RASA3: variants seen among roughly 807,000 people sequenced by gnomAD.
RASA3 encodes the protein RAS p21 protein activator 3, also known as ras GTPase-activating protein 3.
RASA3 carries 73 observed loss-of-function variants against 110.0 expected under a neutral mutation model. The observed-to-expected ratio is 0.66, with a 90% CI of 0.55 to 0.81. RASA3 has a LOEUF of 0.81. RASA3 is among the 30% of genes least tolerant of loss of function. RASA3 has a pLI of 0.00. For synonymous variants in RASA3, 500 were observed against 451.4 expected, an observed-to-expected ratio of 1.11 and a Z score of -1.37; for missense variants, 976 against 1,113.2, an observed-to-expected ratio of 0.88 and a Z score of 1.75.
intron 3 of RASA3, among the ~76,000 whole-genome samples, chr13:114,043,395 C>T (rs754257471): frequency 1.3e-5 from 2 of 152,162 alleles, no homozygotes; most frequent in Non-Finnish European, 2.9e-5. Flanking sequence ...GCACCTCACA[C>T]CATCCACTCT....
At chr13:114,101,455 G>A (rs989146857) in intron 1 of RASA3, among the ~76,000 whole-genome samples, 11 of 152,338 alleles carry the variant, frequency 7.2e-5, no homozygotes, top group Admixed American at 3.3e-4. Context: ...GCCACTGCCC[G>A]TGCTGGGCCC....
chr13:114,044,620 C>A (rs1303873283), intron 3 of RASA3, among the ~76,000 whole-genome samples: 2 of 143,282 alleles, frequency 1.4e-5, no homozygotes, highest in African/African-American at 5.3e-5. Flanking sequence ...CTCTGACGAC[C>A]GCTGCGTGGC....
intron 4 of RASA3, among the ~76,000 whole-genome samples, chr13:114,034,590 A>T (rs1198921872): frequency 1.3e-5 from 2 of 152,228 alleles, no homozygotes; most frequent in Non-Finnish European, 2.9e-5. Flanking sequence ...TCTTCTGCTG[A>T]TTCAGGAGTG....
At chr13:113,981,002 G>A (rs183625781) in intron 23 of RASA3, among the ~76,000 whole-genome samples, 94 of 152,294 alleles carry the variant, frequency 6.2e-4, no homozygotes, top group Non-Finnish European at 1.0e-3. Flanking sequence ...GAATGAGCCC[G>A]TGTGGGGGCT....
chr13:114,030,446 AGGGCAAGGCTCACACAGAG>A lies in RASA3; in HGVS notation c.373-578_373-560del, dbSNP rs1566501626. Among the ~76,000 whole-genome samples the A allele has an allele frequency of 2.0e-3, 209 of 105,536 alleles. 4 individuals carry two copies. Among genetic ancestry groups the A allele is most frequent in the African/African-American group, 7.1e-3 (186 of 26,142 alleles). 69.2% of individuals were successfully genotyped at this position (105,536 alleles called of 152,430 possible). ...CACACAGAGGGCAAGGCTCACACAG[AGGGCAAGGCTCACACAGAG>A]GGCAAGGCTCACACAGAGGGCAAGA... On this transcript the variant is annotated intron_variant, in intron 4 of 23. Coordinates refer to ENST00000334062, the MANE Select transcript of RASA3 (RefSeq NM_007368.4).
intron 8 of RASA3, among the ~76,000 whole-genome samples, chr13:114,022,739 A>G (rs1238755799): frequency 1.3e-5 from 2 of 152,242 alleles, no homozygotes; most frequent in Non-Finnish European, 2.9e-5. Context: ...TTTGCCTTTA[A>G]TAAGGGAAAT....
chr13:114,001,470 CA>C (rs1296959268), intron 18 of RASA3, among the ~76,000 whole-genome samples: 58 of 125,984 alleles, frequency 4.6e-4, no homozygotes, highest in African/African-American at 7.4e-4. Context: ...GACACTCACG[CA>C]ACATGGAGGA....
Position 114,042,081 on chromosome 13 carries a change from T to C in RASA3, c.278-987A>G, listed in dbSNP as rs1431096453. On this transcript the variant is annotated intron_variant, in intron 3 of 23. Coordinates refer to ENST00000334062, the MANE Select transcript of RASA3 (RefSeq NM_007368.4). Reference sequence around the variant, plus strand: ...TTGTACAATATACGTTTACCTAGTATGGATTTATATGTGTAAATTCGCATC... The same window carrying C: ...TTGTACAATATACGTTTACCTAGTACGGATTTATATGTGTAAATTCGCATC... Among the ~76,000 whole-genome samples the C allele has an allele frequency of 2.0e-5, 3 of 152,270 alleles. No homozygotes were observed. The East Asian group carries it at 5.8e-4, about 29-fold the overall frequency.
At chr13:114,055,169 TGG>T (rs2079222018) in intron 2 of RASA3, among the ~76,000 whole-genome samples, 1 of 152,132 alleles carries the variant, frequency 6.6e-6, no homozygotes, top group Non-Finnish European at 1.5e-5. Flanking sequence ...CACGTGTGCA[TGG>T]GTGTGTGCAT....
intron 3 of RASA3, among the ~76,000 whole-genome samples, chr13:114,044,616 C>T (rs146515724): frequency 0.012 from 1,687 of 142,338 alleles, 89 homozygotes; most frequent in Admixed American, 0.087. Context: ...TCTCCTCTGA[C>T]GACCGCTGCG....
Position 114,021,494 on chromosome 13 carries a change from T to C in RASA3, c.695A>G (p.Asn232Ser), listed in dbSNP as rs535975055. Residue 232 changes from asparagine (N) to serine (S), a missense_variant, in exon 9 of 24, where the codon AAT (asparagine) becomes AGT (serine). Asn to Ser is a conservative substitution (Grantham distance 46, BLOSUM62 1). This residue lies in a region of RASA3 where 732 missense variants were observed against 779.7 expected (regional missense o/e 0.94). Coordinates refer to ENST00000334062, the MANE Select transcript of RASA3 (RefSeq NM_007368.4). ...DKLEIRVDLW[N>S]ASNLKFGDEF... ...ATCTCCAAACTTCAGGTTACTGGCA[T>C]TCCAGAGGTCAACTCTGAAAAACAG... 6.2e-7 allele frequency: 1 copy of C among 1,613,914 alleles called. No homozygotes were observed. Among genetic ancestry groups the C allele is most frequent in the African/African-American group, 1.3e-5 (1 of 75,062 alleles).
At chr13:114,054,460 T>C (rs959832764) in intron 2 of RASA3, among the ~76,000 whole-genome samples, 13 of 151,360 alleles carry the variant, frequency 8.6e-5, no homozygotes, top group Non-Finnish European at 1.6e-4. Context: ...GGGCCCAGAG[T>C]CCAGGTGGGA....
chr13:113,981,540 C>T, intron 23 of RASA3, 135 bp downstream of exon 23: 1 of 969,388 alleles, frequency 1.0e-6, no homozygotes, highest in Non-Finnish European at 1.6e-6. Context: ...CAGCCCGGTG[C>T]AAGTGGGACT....
intron 1 of RASA3, among the ~76,000 whole-genome samples, chr13:114,075,204 T>C (rs919546938): frequency 2.6e-5 from 4 of 152,256 alleles, no homozygotes; most frequent in East Asian, 3.9e-4. Context: ...AGAGTAGAAG[T>C]TTCTCAGAAC....
chr13:114,062,596 C>T (rs770559109), intron 2 of RASA3, among the ~76,000 whole-genome samples: 4 of 151,732 alleles, frequency 2.6e-5, no homozygotes, highest in Non-Finnish European at 5.9e-5. Context: ...AGCCCACGTC[C>T]GCACGCAGAC....
chr13:114,117,647 GA>G (rs1457908224), intron 1 of RASA3, among the ~76,000 whole-genome samples: 35 of 134,006 alleles, frequency 2.6e-4, no homozygotes, highest in Non-Finnish European at 4.9e-4. Context: ...GCATGTGTGT[GA>G]GGGGTGCACG....
At chr13:114,130,160 G>A (rs987371877) in intron 1 of RASA3, among the ~76,000 whole-genome samples, 2 of 152,168 alleles carry the variant, frequency 1.3e-5, no homozygotes, top group Admixed American at 1.3e-4. Flanking sequence ...TCACCCTCAG[G>A]GTCTCCAGCC....
intron 5 of RASA3, among the ~76,000 whole-genome samples, chr13:114,028,956 A>G (rs76454658): frequency 6.9e-5 from 1 of 14,416 alleles, no homozygotes; most frequent in Non-Finnish European, 1.2e-4. Context: ...CTAAAACGGC[A>G]TCATCCTGGG....
intron 1 of RASA3, among the ~76,000 whole-genome samples, chr13:114,083,541 TCGCGGGGAAA>T (rs879798125): frequency 6.8e-4 from 95 of 140,164 alleles, no homozygotes; most frequent in Non-Finnish European, 1.3e-3. Flanking sequence ...CCCTTCGTCC[TCGCGGGGAAA>T]TCACGGGGAA....
Sources: allele counts gnomAD v4.1 joint callset (sites outside exome capture counted in the v4.1 genomes callset), GRCh38; gene constraint gnomAD v4.1.1; regional missense constraint gnomAD v4.1.1; transcripts MANE v1.5; gene names NCBI Gene and HGNC (gene_info 2026-07-23, HGNC 2026-07-21).